The following PDE1C variants were observed in gnomAD, a reference collection of about 807,000 sequenced individuals.
PDE1C encodes the protein phosphodiesterase 1C.
A neutral mutation model predicts 93.1 loss-of-function variants in PDE1C; 62 were observed. The observed-to-expected ratio is 0.67, with a 90% CI of 0.54 to 0.82. The LOEUF (loss-of-function observed/expected upper bound fraction) is 0.82. Among genes scored for constraint, PDE1C ranks in the 40% least tolerant of loss-of-function variants. PDE1C has a pLI of 0.00. For synonymous variants in PDE1C, 325 were observed against 310.1 expected, an observed-to-expected ratio of 1.05 and a Z score of -0.50; for missense variants, 742 against 884.6, an observed-to-expected ratio of 0.84 and a Z score of 2.04.
the PDE1C span, among the ~76,000 whole-genome samples, chr7:31,617,374 C>T: frequency 6.6e-6 from 1 of 152,070 alleles, no homozygotes; most frequent in Non-Finnish European, 1.5e-5. Flanking sequence ...TATCATACCT[C>T]TATGTAGTAT....
chr7:32,151,442 T>A (rs1254495432), intron 3 of PDE1C, among the ~76,000 whole-genome samples: 1 of 152,220 alleles, frequency 6.6e-6, no homozygotes, highest in Non-Finnish European at 1.5e-5. Flanking sequence ...TTTGGAAATT[T>A]GAAATTCGAA....
chr7:31,984,234 T>C (rs1783077482), intron 2 of PDE1C, among the ~76,000 whole-genome samples: 1 of 152,152 alleles, frequency 6.6e-6, no homozygotes. Context: ...TCAGATCAAC[T>C]GAGGCATTAG....
chr7:31,630,475 A>G, the PDE1C span, among the ~76,000 whole-genome samples: 1 of 152,146 alleles, frequency 6.6e-6, no homozygotes, highest in Non-Finnish European at 1.5e-5. Context: ...TTGTGTCCCA[A>G]TTCTCATTGA....
the PDE1C span, chr7:31,656,023 A>T: frequency 1.0e-6 from 1 of 984,816 alleles, no homozygotes; most frequent in African/African-American, 1.7e-5. Context: ...GAAACAAATG[A>T]AGTATCTCAC....
the PDE1C span, chr7:31,707,329 C>A: frequency 1.3e-6 from 2 of 1,504,944 alleles, no homozygotes; most frequent in East Asian, 2.3e-5. Context: ...GATTGGTTCC[C>A]TGTGGTGACC....
At chr7:31,623,342 G>C in the PDE1C span, among the ~76,000 whole-genome samples, 1 of 151,974 alleles carries the variant, frequency 6.6e-6, no homozygotes, top group Non-Finnish European at 1.5e-5. Flanking sequence ...GAACATTGAT[G>C]CAAAAATCCT....
chr7:31,800,225 T>C (rs890218715), intron 16 of PDE1C, among the ~76,000 whole-genome samples: 1 of 151,620 alleles, frequency 6.6e-6, no homozygotes, highest in Non-Finnish European at 1.5e-5. Context: ...TGCCTTTTTA[T>C]TCTCCTAATA....
At chr7:32,357,510 A>G (rs1784054637) in intron 1 of PDE1C, among the ~76,000 whole-genome samples, 1 of 152,220 alleles carries the variant, frequency 6.6e-6, no homozygotes, top group Non-Finnish European at 1.5e-5. Flanking sequence ...TTTTAACAGG[A>G]AACTCAACTA....
chr7:32,198,656 G>C (rs1450142513), intron 2 of PDE1C, among the ~76,000 whole-genome samples: 1 of 152,174 alleles, frequency 6.6e-6, no homozygotes, highest in Non-Finnish European at 1.5e-5. Flanking sequence ...GAAGAAAGGG[G>C]ATGAAGACTA....
chr7:32,415,615 A>T (rs1785259253), intron 1 of PDE1C, among the ~76,000 whole-genome samples: 1 of 152,038 alleles, frequency 6.6e-6, no homozygotes, highest in South Asian at 2.1e-4. Flanking sequence ...GCCCCTCCTC[A>T]CCGGCTTCTC....
chr7:31,778,344 C>T (rs909393394), intron 16 of PDE1C, among the ~76,000 whole-genome samples: 9 of 152,134 alleles, frequency 5.9e-5, no homozygotes, highest in African/African-American at 2.2e-4. Flanking sequence ...CCTTCTCTGC[C>T]CGAAATGCCT....
intron 2 of PDE1C, among the ~76,000 whole-genome samples, chr7:32,026,835 T>TA (rs950241776): frequency 3.3e-5 from 5 of 151,498 alleles, no homozygotes; most frequent in Middle Eastern, 3.4e-3. Context: ...CACTAAAAAT[T>TA]AAAAAAAAGA....
the PDE1C span, among the ~76,000 whole-genome samples, chr7:31,690,538 T>G: frequency 6.6e-6 from 1 of 152,240 alleles, no homozygotes; most frequent in Admixed American, 6.5e-5. Context: ...CCCCATTTAC[T>G]CTCACTACAT....
At chr7:32,137,703 TAC>T (rs1800289133) in intron 3 of PDE1C, among the ~76,000 whole-genome samples, 1 of 152,196 alleles carries the variant, frequency 6.6e-6, no homozygotes, top group Non-Finnish European at 1.5e-5. Context: ...AAGTTTTGTC[TAC>T]ATCAGTTGAA....
chr7:31,833,145 A>G (rs1339875174), intron 11 of PDE1C, among the ~76,000 whole-genome samples: 1 of 152,144 alleles, frequency 6.6e-6, no homozygotes, highest in Non-Finnish European at 1.5e-5. Context: ...TACAAGGGGA[A>G]ACCCCTTTCA....
intron 2 of PDE1C, among the ~76,000 whole-genome samples, chr7:32,186,942 G>A (rs2128817767): frequency 6.6e-6 from 1 of 152,200 alleles, no homozygotes; most frequent in Non-Finnish European, 1.5e-5. Context: ...TACTCATTTT[G>A]CAATTTGTTC....
chr7:32,389,157 C>CGTGTGTGTGTGTGTGTGTGTGTGT (rs575896243), intron 1 of PDE1C, among the ~76,000 whole-genome samples: 19 of 135,778 alleles, frequency 1.4e-4, no homozygotes, highest in African/African-American at 2.5e-4. Context: ...TGATAGCTGA[C>CGTGTGTGTGTGTGTGTGTGTGTGT]GTGTGTGTGT....
chr7:31,621,419 C>T, the PDE1C span, among the ~76,000 whole-genome samples: 4 of 79,886 alleles, frequency 5.0e-5, no homozygotes, highest in Admixed American at 1.4e-4. Flanking sequence ...CGGCAGAAAC[C>T]CTACAAGCCA....
chr7:32,328,328 T>G (rs1268395233), intron 1 of PDE1C, among the ~76,000 whole-genome samples: 1 of 152,150 alleles, frequency 6.6e-6, no homozygotes, highest in East Asian at 1.9e-4. Flanking sequence ...CAATCCATTC[T>G]CCAAATAAAA....
Sources: gnomAD v4.1 joint callset for allele counts (sites outside exome capture counted in the v4.1 genomes callset) on GRCh38, gnomAD v4.1.1 for gene constraint, MANE v1.5 for transcripts, NCBI Gene and HGNC (gene_info 2026-07-23, HGNC 2026-07-21) for gene names.